Variants in DHX8 observed in about 807,000 individuals in gnomAD.
DHX8 encodes the protein ATP-dependent RNA helicase DHX8.
DHX8 carries 67 observed loss-of-function variants against 140.7 expected under a neutral mutation model. The ratio of observed to expected loss-of-function variants is 0.48; its 90% CI spans 0.39 to 0.58. DHX8 has a LOEUF of 0.58. Among genes scored for constraint, DHX8 ranks in the 20% least tolerant of loss-of-function variants. DHX8 has a pLI of 0.00. For missense variants in DHX8, 887 were observed against 1,550.7 expected (o/e 0.57, Z 7.19); for synonymous variants, 533 against 553.2 (o/e 0.96, Z 0.51).
chr17:43,513,569 G>T, intron 17 of DHX8, 67 bp downstream of exon 17: 1 of 1,517,862 alleles, frequency 6.6e-7, no homozygotes, highest in Non-Finnish European at 8.9e-7. Flanking sequence ...ACTTTTTTAT[G>T]GTTATATATT....
intron 1 of DHX8, among the ~76,000 whole-genome samples, chr17:43,486,191 CAAA>C (rs199805080): frequency 5.4e-5 from 5 of 91,920 alleles, no homozygotes; most frequent in Admixed American, 2.3e-4. Context: ...GACTTTATTT[CAAA>C]AAAAAAAAAA....
At chr17:43,508,545 C>T (rs1180611773) in intron 16 of DHX8, 25 bp downstream of exon 16, 2 of 1,544,926 alleles carry the variant, frequency 1.3e-6, no homozygotes, top group African/African-American at 1.4e-5. Context: ...AATGAAGCTT[C>T]CATGTGCCCT....
rs1162035536 is a variant in DHX8, at chr17:43,522,033, T to C, written c.3264-14T>C. The C allele has an allele frequency of 6.2e-7, 1 of 1,613,168 alleles. No individual in the cohort carries two copies. Among genetic ancestry groups the C allele is most frequent in the Non-Finnish European group, 8.5e-7 (1 of 1,179,382 alleles). On this transcript the variant is annotated splice_polypyrimidine_tract_variant and intron_variant, in intron 21 of 22. Coordinates refer to ENST00000262415, the MANE Select transcript of DHX8 (RefSeq NM_004941.3). ...AAGCTGAGTGGGCTCATATCTTTTGTCCTATCTTGATAGACACAAGCTGGA... is the reference window on the plus strand; with the variant it reads ...AAGCTGAGTGGGCTCATATCTTTTGCCCTATCTTGATAGACACAAGCTGGA...
intron 17 of DHX8, 115 bp downstream of exon 17, chr17:43,513,617 G>T: frequency 9.3e-7 from 1 of 1,070,170 alleles, no homozygotes; most frequent in Non-Finnish European, 1.3e-6. Context: ...TATGATACTG[G>T]GTACTATAAT....
rs1277890574 is a variant in DHX8 at position 43,533,788 on chromosome 17, C to G, written c.351-2624C>G. 1.9e-6 allele frequency: 3 copies of G among 1,566,214 alleles called. No homozygotes were observed. In the East Asian group the frequency reaches 7.0e-5, roughly 36 times the overall value. On this transcript the variant is annotated intron_variant, in intron 2 of 3. Coordinates refer to the DHX8 transcript ENST00000589898. ...TTGCATCTCAGCTGCTGCCTCTGCT[C>G]ATGGGTGCCCCCTGCCTCCCTCCTC...
chr17:43,528,340 T>A, downstream of DHX8: 1 of 528,494 alleles, frequency 1.9e-6, no homozygotes, highest in South Asian at 3.1e-5. Context: ...TTTCTCCACT[T>A]TTCCTTCCCA....
At position 43,523,935 on chromosome 17, in the gene DHX8, CCCGTGACTGA is replaced by C; in HGVS notation, c.*90_*99del. The C allele has an allele frequency of 6.4e-7, 1 of 1,557,862 alleles. No homozygotes were observed. Among genetic ancestry groups the C allele is most frequent in the South Asian group, 1.2e-5 (1 of 83,570 alleles). ...AGGCTGGTCCTGAGGATACAGCTGT[CCCGTGACTGA>C]CTGTCTTAACTGAGCATTTTCTCAA... On this transcript the variant is annotated 3_prime_UTR_variant, in exon 23 of 23. Transcript: ENST00000262415.
chr17:43,528,940 T>C (rs1261364498), downstream of DHX8, among the ~76,000 whole-genome samples: 2 of 152,180 alleles, frequency 1.3e-5, no homozygotes, highest in East Asian at 3.9e-4. Flanking sequence ...TCTCCATGCT[T>C]GGGCTTCTCA....
chr17:43,484,209 A>G (rs376450374), intron 1 of DHX8, 24 bp downstream of exon 1: 117 of 1,606,546 alleles, frequency 7.3e-5, no homozygotes, highest in Non-Finnish European at 9.4e-5. Flanking sequence ...GGTCCCTGGG[A>G]CCTCAGTTTG....
intron 3 of DHX8, 83 bp downstream of exon 3, chr17:43,490,546 A>C: frequency 6.0e-6 from 7 of 1,165,868 alleles, no homozygotes; most frequent in African/African-American, 1.5e-5. Flanking sequence ...TTTTCCTCTC[A>C]GCAGTTGCTG....
Position 43,521,968 on chromosome 17 carries a change from G to A in DHX8, c.3264-79G>A. ...GTGACTACTCTGGGCACCCCAAGAT[G>A]GATGTGTTGGGCACTGTCATTGTGA... On this transcript the variant is annotated intron_variant, in intron 21 of 22. Transcript: ENST00000262415. 13 of 1,483,432 alleles carry A rather than the reference G, an allele frequency of 8.8e-6. No individual in the cohort carries two copies. In the Admixed American group the frequency reaches 1.9e-4, roughly 22 times the overall value. The allele number at this position is 1,483,432 out of a possible 1,614,324, so 91.9% of individuals were successfully genotyped here.
chr17:43,506,636 CT>C (rs1567687628), intron 12 of DHX8, among the ~76,000 whole-genome samples: 1 of 151,098 alleles, frequency 6.6e-6, no homozygotes, highest in African/African-American at 2.4e-5. Context: ...AAAAAAAAGC[CT>C]TTTTTTATGG....
chr17:43,528,638 G>C (rs1411056055), downstream of DHX8: 3 of 1,614,052 alleles, frequency 1.9e-6, no homozygotes, highest in Admixed American at 1.7e-5. Context: ...CTGACAGGCC[G>C]GTCAAACTCA....
chr17:43,527,648 G>T (rs146195531), downstream of DHX8, among the ~76,000 whole-genome samples: 8 of 152,336 alleles, frequency 5.3e-5, no homozygotes, highest in East Asian at 1.4e-3. Context: ...AGTAATGCTG[G>T]GAAGGGGGAA....
intron 3 of DHX8, among the ~76,000 whole-genome samples, chr17:43,537,570 C>T (rs894733724): frequency 4.0e-5 from 6 of 150,908 alleles, no homozygotes; most frequent in East Asian, 3.9e-4. Flanking sequence ...GCGGTGGGCA[C>T]CTGTAATCCC....
chr17:43,505,197 C>G (rs530648525), intron 12 of DHX8, among the ~76,000 whole-genome samples: 48 of 152,120 alleles, frequency 3.2e-4, no homozygotes, highest in Non-Finnish European at 6.5e-4. Flanking sequence ...ATCACAAGTT[C>G]AGGAGTTCGA....
intron 13 of DHX8, 39 bp from the exon 14 acceptor site, chr17:43,507,464 C>A: frequency 6.3e-7 from 1 of 1,575,918 alleles, no homozygotes; most frequent in Non-Finnish European, 8.7e-7. Context: ...GAAAAGGAGA[C>A]ATTTGTATCC....
chr17:43,507,713 C>G (rs543173402), intron 14 of DHX8, 25 bp downstream of exon 14: 1 of 1,612,834 alleles, frequency 6.2e-7, no homozygotes, highest in South Asian at 1.1e-5. Context: ...TTTAATGACC[C>G]CTCTACCTGT....
downstream of DHX8, chr17:43,529,089 C>G (rs988391364): frequency 1.3e-6 from 2 of 1,581,188 alleles, no homozygotes; most frequent in Non-Finnish European, 1.7e-6. Flanking sequence ...CAGCTTCTCA[C>G]AGCCACTGCC....
Sources: gnomAD v4.1 joint callset for allele counts (sites outside exome capture counted in the v4.1 genomes callset) on GRCh38, gnomAD v4.1.1 for gene constraint, MANE v1.5 for transcripts, NCBI Gene and HGNC (gene_info 2026-07-23, HGNC 2026-07-21) for gene names.